BARD1: variants seen among roughly 807,000 people sequenced by gnomAD.
The protein encoded by BARD1 is BRCA1 associated RING domain 1, also known as BRCA1-associated RING domain protein 1.
A neutral mutation model predicts 77.0 loss-of-function variants in BARD1; 73 were observed. That is an observed-to-expected ratio of 0.95 (90% CI 0.79 to 1.15). BARD1 has a LOEUF of 1.15. Ranked by LOEUF, BARD1 falls within the 50% of genes most tolerant of loss-of-function variation. The pLI is 0.00. For missense variants in BARD1, 993 were observed against 938.8 expected (o/e 1.06, Z -0.75); for synonymous variants, 384 against 338.0 (o/e 1.14, Z -1.49).
intron 6 of BARD1, among the ~76,000 whole-genome samples, chr2:214,763,797 G>A (rs1312449992): frequency 6.6e-6 from 1 of 152,166 alleles, no homozygotes; most frequent in Non-Finnish European, 1.5e-5. Context: ...AGAGCTTCAG[G>A]AAGAAATAGA....
intron 1 of BARD1, 124 bp downstream of exon 1, chr2:214,809,288 C>A: frequency 9.1e-6 from 13 of 1,422,212 alleles, no homozygotes; most frequent in Non-Finnish European, 1.2e-5. Context: ...GTGCTAACCG[C>A]ACGCCGACCC....
chr2:214,777,050 CA>C (rs1694766920), intron 4 of BARD1, among the ~76,000 whole-genome samples: 1 of 152,050 alleles, frequency 6.6e-6, no homozygotes, highest in African/African-American at 2.4e-5. Context: ...ACCATCCAAG[CA>C]AAAATGAAAT....
At position 214,801,124 on chromosome 2, in the gene BARD1, T is replaced by C. The variant is rs142357083; in HGVS notation, c.159-4007A>G. On this transcript the variant is annotated intron_variant, in intron 1 of 10. Coordinates refer to ENST00000260947, the MANE Select transcript of BARD1 (RefSeq NM_000465.4). ...ATGTTTTCATTAATAGTCTGTCCTA[T>C]TGACTCTGTCAACTACGTTCATGTA... 2.4e-4 allele frequency among the ~76,000 whole-genome samples: 36 copies of C among 152,372 alleles called. 1 individual carries two copies. The highest frequency in any genetic ancestry group is 4.7e-4 in the Non-Finnish European group (32 of 68,030).
At chr2:214,797,040 C>T (rs1293065506) in intron 2 of BARD1, 21 bp downstream of exon 2, 18 of 1,581,420 alleles carry the variant, frequency 1.1e-5, no homozygotes, top group South Asian at 2.2e-5. Flanking sequence ...GTACTATATA[C>T]ATCAAACCGT....
chr2:214,807,738 G>GA (rs35604849), intron 1 of BARD1, among the ~76,000 whole-genome samples: 1 of 9,988 alleles, frequency 1.0e-4, no homozygotes, highest in Non-Finnish European at 2.0e-4. Flanking sequence ...TCCGGAAAAT[G>GA]AGAGATGAAT....
Position 214,751,142 on chromosome 2 carries a change from TATA to T in BARD1, c.1677+1302_1677+1304del, listed in dbSNP as rs1559393192. On this transcript the variant is annotated intron_variant, in intron 7 of 10. Coordinates refer to ENST00000260947, the MANE Select transcript of BARD1 (RefSeq NM_000465.4). The stretch of plus-strand genomic sequence containing the variant: ...GTATATATATATATATATATATATA[TATA>T]TATATATTTTTTTTTTTTTTTTTTT... 1.0e-3 allele frequency among the ~76,000 whole-genome samples: 48 copies of T among 46,540 alleles called. 1 individual carries two copies. Among genetic ancestry groups the T allele is most frequent in the Non-Finnish European group, 1.4e-3 (31 of 21,618 alleles). 30.5% of individuals were successfully genotyped at this position (46,540 alleles called of 152,430 possible). A position where few individuals can be genotyped will look rare whatever the true frequency, so the allele number is the denominator to read the frequency against.
In BARD1 at chr2:214,797,089, A is replaced by C. The variant is rs1695792410; in HGVS notation, c.187T>G (p.Leu63Val). ...CAGAAGATGTGCTCACATCCTCCTA[A>C]ACACACAGGCTCTCTCAGAATGTTA... ...CTNILREPVC[L>V]GGCEHIFCSN... Residue 63 changes from leucine to valine, a missense_variant, in exon 2 of 11, where the codon TTA (leucine) becomes GTA (valine). Leu to Val is a conservative substitution (Grantham distance 32, BLOSUM62 1). Coordinates refer to ENST00000260947, the MANE Select transcript of BARD1 (RefSeq NM_000465.4). The C allele has an allele frequency of 1.9e-6, 3 of 1,613,000 alleles. No homozygotes were observed. Among genetic ancestry groups the C allele is most frequent in the Non-Finnish European group, 2.5e-6 (3 of 1,179,250 alleles).
intron 9 of BARD1, among the ~76,000 whole-genome samples, chr2:214,738,350 C>T (rs974022020): frequency 6.6e-6 from 1 of 152,028 alleles, no homozygotes; most frequent in African/African-American, 2.4e-5. Context: ...TTCTAAAGTA[C>T]TGATTAACCC....
chr2:214,758,439 C>A (rs1550843), intron 6 of BARD1, among the ~76,000 whole-genome samples: 152,195 of 152,344 alleles, frequency 1, 76,024 homozygotes, highest in Non-Finnish European at 1. Flanking sequence ...AAGATAAGGG[C>A]ACAAAATAAG....
At chr2:214,808,204 C>T (rs1574865794) in intron 1 of BARD1, among the ~76,000 whole-genome samples, 3 of 152,034 alleles carry the variant, frequency 2.0e-5, no homozygotes, top group Non-Finnish European at 4.4e-5. Context: ...GGTCAGGAGA[C>T]GGAGACCATC....
Position 214,728,366 on chromosome 2 carries a change from C to A in BARD1, c.*310G>T. 2.9e-6 allele frequency: 1 copy of A among 344,650 alleles called. No homozygotes were observed. The highest frequency in any genetic ancestry group is 5.3e-6 in the Non-Finnish European group (1 of 187,344). 21.3% of individuals were successfully genotyped at this position (344,650 alleles called of 1,614,324 possible). On this transcript the variant is annotated 3_prime_UTR_variant, in exon 11 of 11. Transcript: ENST00000260947. Reference sequence around the variant, plus strand: ...AAAGACTCAAACAGTAATGATACCACTTGTCTATTTAACCAAGATTCTGGT... The same window carrying A: ...AAAGACTCAAACAGTAATGATACCAATTGTCTATTTAACCAAGATTCTGGT...
At chr2:214,781,948 A>G (rs962531493) in intron 3 of BARD1, among the ~76,000 whole-genome samples, 7 of 152,164 alleles carry the variant, frequency 4.6e-5, no homozygotes, top group African/African-American at 1.7e-4. Context: ...ACAAATCCCA[A>G]TGTAATTTCC....
intron 2 of BARD1, chr2:214,796,650 G>T (rs1182314523): frequency 2.4e-5 from 5 of 204,860 alleles, no homozygotes; most frequent in Admixed American, 5.4e-5. Context: ...CATTTCTGTT[G>T]TTCTAAGCCA....
intron 1 of BARD1, among the ~76,000 whole-genome samples, chr2:214,803,468 G>C (rs1012161305): frequency 2.0e-5 from 3 of 152,350 alleles, no homozygotes; most frequent in Admixed American, 1.3e-4. Context: ...ACCGCCTTAG[G>C]GCTGGAGGTG....
intron 1 of BARD1, among the ~76,000 whole-genome samples, chr2:214,802,926 G>C (rs995274559): frequency 6.6e-6 from 1 of 152,166 alleles, no homozygotes; most frequent in Admixed American, 6.5e-5. Context: ...GATTGTTACT[G>C]TGTCTGTATA....
intron 1 of BARD1, among the ~76,000 whole-genome samples, chr2:214,808,492 G>C (rs928309423): frequency 4.3e-5 from 3 of 70,508 alleles, no homozygotes; most frequent in Non-Finnish European, 5.9e-5. Context: ...GAAATCAAAG[G>C]GGAAAAAAGT....
In BARD1 at chr2:214,805,379, C is replaced by A. The variant is rs182766767; in HGVS notation, c.158+4033G>T. On this transcript the variant is annotated intron_variant, in intron 1 of 10. Transcript: ENST00000260947. ...CCCTTACACAGTGTCTCAGTGATTT[C>A]TCGTTATTCTAATGAATAACCAGTG... 7.9e-5 allele frequency among the ~76,000 whole-genome samples: 12 copies of A among 152,286 alleles called. No individual in the cohort carries two copies. In the Middle Eastern group the frequency reaches 0.017, roughly 216 times the overall value.
chr2:214,782,195 AG>A (rs1293224278), intron 3 of BARD1, among the ~76,000 whole-genome samples: 1 of 152,218 alleles, frequency 6.6e-6, no homozygotes, highest in East Asian at 1.9e-4. Context: ...GTATAACCAA[AG>A]ATTAGTAAGA....
chr2:214,774,861 C>A (rs572340442), intron 4 of BARD1, among the ~76,000 whole-genome samples: 1 of 152,342 alleles, frequency 6.6e-6, no homozygotes, highest in South Asian at 2.1e-4. Context: ...GCTGTTTCAA[C>A]TTGCATTGTT....
Sources: allele counts gnomAD v4.1 joint callset (sites outside exome capture counted in the v4.1 genomes callset), GRCh38; gene constraint gnomAD v4.1.1; transcripts MANE v1.5; gene names NCBI Gene and HGNC (gene_info 2026-07-23, HGNC 2026-07-21).